The following MSR1 variants were observed in gnomAD, a reference collection of about 807,000 sequenced individuals.
MSR1 encodes the protein macrophage scavenger receptor types I and II.
MSR1 carries 53 observed loss-of-function variants against 47.2 expected under a neutral mutation model. That is an observed-to-expected ratio of 1.12 (90% CI 0.90 to 1.41). The LOEUF is 1.41. Ranked by LOEUF, MSR1 falls within the 40% of genes most tolerant of loss-of-function variation. MSR1 has a pLI of 0.00. For synonymous variants in MSR1, 239 were observed against 185.6 expected (o/e 1.29, Z -2.34); for missense variants, 786 against 546.9 (o/e 1.44, Z -4.36).
intron 5 of MSR1, among the ~76,000 whole-genome samples, chr8:16,160,013 A>G (rs1801118780): frequency 1.3e-5 from 2 of 152,038 alleles, no homozygotes; most frequent in Admixed American, 6.6e-5. Context: ...GATATACAAA[A>G]AAGACAAGCG....
At chr8:16,173,121 T>C (rs1278140550) in intron 3 of MSR1, among the ~76,000 whole-genome samples, 1 of 152,248 alleles carries the variant, frequency 6.6e-6, no homozygotes, top group Non-Finnish European at 1.5e-5. Context: ...ACATTCTTAG[T>C]GTCTAGTCAA....
chr8:16,115,084 T>C lies in MSR1; in HGVS notation c.1223-4866A>G, dbSNP rs78076359. Among the ~76,000 whole-genome samples, 55 of 152,010 alleles carry C rather than the reference T, an allele frequency of 3.6e-4. No homozygotes were observed. The East Asian group carries it at 9.5e-3, about 26-fold the overall frequency. The stretch of plus-strand genomic sequence containing the variant: ...ATCCCAGCTACTTGGGAGGCTGAGG[T>C]AGGAGAATCGCTTGAACCTGGGAGG... On this transcript the variant is annotated intron_variant, in intron 9 of 9. Coordinates refer to ENST00000262101, the MANE Select transcript of MSR1 (RefSeq NM_138715.3).
intron 8 of MSR1, among the ~76,000 whole-genome samples, chr8:16,131,930 G>C (rs952656228): frequency 2.0e-5 from 3 of 150,088 alleles, no homozygotes; most frequent in African/African-American, 7.3e-5. Flanking sequence ...CTCCAGCTTT[G>C]TTCTTTTTCT....
At chr8:16,126,169 C>T (rs1032670504) in intron 8 of MSR1, among the ~76,000 whole-genome samples, 1 of 151,922 alleles carries the variant, frequency 6.6e-6, no homozygotes, top group Admixed American at 6.6e-5. Context: ...ATGAGTCTAC[C>T]CTTAAAAGTT....
chr8:16,186,398 T>C, intron 1 of MSR1: 2 of 547,736 alleles, frequency 3.7e-6, no homozygotes, highest in Admixed American at 3.0e-5. Flanking sequence ...CTCTTGCCCA[T>C]AGCTCGTCTC....
At chr8:16,131,441 G>GTTTTTTTTT (rs56321577) in intron 8 of MSR1, among the ~76,000 whole-genome samples, 9 of 54,682 alleles carry the variant, frequency 1.6e-4, no homozygotes, top group African/African-American at 4.9e-4. Flanking sequence ...TCTGTTGATA[G>GTTTTTTTTT]TTTTTTTTTT....
intron 8 of MSR1, among the ~76,000 whole-genome samples, chr8:16,137,463 T>C (rs1021671814): frequency 6.6e-6 from 1 of 152,110 alleles, no homozygotes; most frequent in Admixed American, 6.6e-5. Flanking sequence ...TTTCTCTCTT[T>C]CCCTCTCTTT....
At chr8:16,140,170 T>C in intron 8 of MSR1, 1 of 985,106 alleles carries the variant, frequency 1.0e-6, no homozygotes, top group Non-Finnish European at 1.2e-6. Flanking sequence ...TCTCATATTA[T>C]CAATACTCAT....
In MSR1 at chr8:16,188,985, T is replaced by C. The variant is rs929295910; in HGVS notation, c.-5+3613A>G. 8.4e-4 allele frequency among the ~76,000 whole-genome samples: 123 copies of C among 146,004 alleles called. 2 individuals are homozygous for C. The highest frequency in any genetic ancestry group is 2.8e-3 in the African/African-American group (114 of 40,134). On this transcript the variant is annotated intron_variant, in intron 1 of 9. Coordinates refer to ENST00000262101, the MANE Select transcript of MSR1 (RefSeq NM_138715.3). ...ACACATACATATATATATATATATA[T>C]ATATATATATATAAAACAACATATA... is the stretch of plus-strand genomic sequence containing the variant.
At chr8:16,136,521 T>C (rs1800394278) in intron 8 of MSR1, among the ~76,000 whole-genome samples, 2 of 152,086 alleles carry the variant, frequency 1.3e-5, no homozygotes, top group African/African-American at 4.8e-5. Flanking sequence ...TTTGCCTTGG[T>C]CTGGAACTGA....
chr8:16,175,148 G>C (rs761346016), intron 3 of MSR1, 39 bp downstream of exon 3: 180 of 1,523,994 alleles, frequency 1.2e-4, no homozygotes, highest in Non-Finnish European at 1.6e-4. Flanking sequence ...ATAATTCACG[G>C]GACGAGTTAC....
intron 1 of MSR1, among the ~76,000 whole-genome samples, chr8:16,183,784 A>C (rs912216938): frequency 7.0e-6 from 1 of 143,374 alleles, no homozygotes; most frequent in African/African-American, 2.5e-5. Flanking sequence ...TATTATGTTA[A>C]TATATTATAT....
rs1214374052 is a variant in MSR1, at chr8:16,108,616, C to T, written c.*1469G>A. 2.0e-5 allele frequency: 3 copies of T among 152,120 alleles called. No homozygotes were observed. The East Asian group carries it at 5.8e-4, about 29-fold the overall frequency. The allele number at this position is 152,120 out of a possible 1,614,324, so 9.4% of individuals were successfully genotyped here. ...GCCAGGGTTTGAGACAGAAAGTGTA[C>T]ATTCAGAATTCATTCTCTTAACCAC... On this transcript the variant is annotated 3_prime_UTR_variant, in exon 10 of 10. Transcript: ENST00000262101.
At chr8:16,146,072 C>T (rs953366841) in intron 7 of MSR1, among the ~76,000 whole-genome samples, 2 of 152,016 alleles carry the variant, frequency 1.3e-5, no homozygotes, top group Non-Finnish European at 2.9e-5. Context: ...TTTTTGTGAG[C>T]CTCTTATATG....
chr8:16,173,509 G>A (rs949207101), intron 3 of MSR1, among the ~76,000 whole-genome samples: 6 of 152,274 alleles, frequency 3.9e-5, no homozygotes, highest in South Asian at 4.1e-4. Flanking sequence ...AATGCCAAAC[G>A]TGTCAGGTCC....
rs986570104 is a variant in MSR1, at chr8:16,120,660, A to T, written c.1034-54T>A. On this transcript the variant is annotated intron_variant, in intron 8 of 9. Transcript: ENST00000262101. ...AAAAAAAGGCAAGCAAGGACTAATTATGTACATACTGCTTTACAGCACTTT... is the reference window on the plus strand; with the variant it reads ...AAAAAAAGGCAAGCAAGGACTAATTTTGTACATACTGCTTTACAGCACTTT... 87 of 1,523,118 alleles carry T rather than the reference A, an allele frequency of 5.7e-5. No homozygotes were observed. In the African/African-American group the frequency reaches 1.1e-3, roughly 20 times the overall value. The allele number at this position is 1,523,118 out of a possible 1,614,324, so 94.4% of individuals were successfully genotyped here.
At chr8:16,134,469 T>C (rs1352662097) in intron 8 of MSR1, among the ~76,000 whole-genome samples, 1 of 152,144 alleles carries the variant, frequency 6.6e-6, no homozygotes, top group Non-Finnish European at 1.5e-5. Flanking sequence ...CCGTAAAAGA[T>C]GGCAAACTTA....
chr8:16,164,781 T>G (rs1801258717), intron 4 of MSR1, among the ~76,000 whole-genome samples: 1 of 152,072 alleles, frequency 6.6e-6, no homozygotes, highest in Non-Finnish European at 1.5e-5. Context: ...TACTTTCAGT[T>G]TGCATTGCCT....
intron 8 of MSR1, among the ~76,000 whole-genome samples, chr8:16,125,809 C>T (rs1456210077): frequency 6.6e-6 from 1 of 151,944 alleles, no homozygotes; most frequent in African/African-American, 2.4e-5. Context: ...CTGTGTCTCC[C>T]AGATTGAAGT....
Sources: gnomAD v4.1 joint callset for allele counts (sites outside exome capture counted in the v4.1 genomes callset) on GRCh38, gnomAD v4.1.1 for gene constraint, MANE v1.5 for transcripts, NCBI Gene and HGNC (gene_info 2026-07-23, HGNC 2026-07-21) for gene names.